The following CELSR2 variants were observed in gnomAD, a reference collection of about 807,000 sequenced individuals.
The protein encoded by CELSR2 is cadherin EGF LAG seven-pass G-type receptor 2.
A neutral mutation model predicts 251.6 loss-of-function variants in CELSR2; 81 were observed. The observed-to-expected ratio is 0.32, with a 90% CI of 0.27 to 0.39. The LOEUF (loss-of-function observed/expected upper bound fraction) is 0.39. Ranked by LOEUF, CELSR2 falls within the 10% of genes least tolerant of loss-of-function variation. The pLI, the probability that CELSR2 is intolerant of heterozygous loss-of-function variation, is 1.00. For synonymous variants in CELSR2, 1,721 were observed against 1,670.5 expected (o/e 1.03, Z -0.74); for missense variants, 3,365 against 3,947.7 (o/e 0.85, Z 3.96).
rs1386540072 is a variant in CELSR2 at position 109,275,703 on chromosome 1, T to C, written c.*1654T>C. 6.6e-6 allele frequency: 1 copy of C among 152,276 alleles called. No homozygotes were observed. The highest frequency in any genetic ancestry group is 1.9e-4 in the East Asian group (1 of 5,204). 9.4% of individuals were successfully genotyped at this position (152,276 alleles called of 1,614,324 possible). A position where few individuals can be genotyped will look rare whatever the true frequency, so the allele number is the denominator to read the frequency against. ...TAAATAGGGTAGCGTTTTGTTGTTG[T>C]TGTTTTTTCATGCCCCATACTACTG... is the stretch of plus-strand genomic sequence containing the variant. On this transcript the variant is annotated 3_prime_UTR_variant, in exon 34 of 34. Transcript: ENST00000271332.
Position 109,252,464 on chromosome 1 carries a change from G to A in CELSR2, c.2385G>A (p.Lys795=). Residue 795 remains lysine, a synonymous_variant, in exon 1 of 34, where the codon AAG becomes AAA. Coordinates refer to ENST00000271332, the MANE Select transcript of CELSR2 (RefSeq NM_001408.3). The surrounding 1 kb of genome is among the most constrained non-coding windows in gnomAD (Gnocchi z 4.8). The part of the protein sequence containing the change: ...ITARDNGIPQ[K]SDTTYLEILV... Reference sequence around the variant, plus strand: ...CTCGGGACAATGGCATTCCCCAGAAGTCCGACACCACCTACCTGGAGATCC... The same window carrying A: ...CTCGGGACAATGGCATTCCCCAGAAATCCGACACCACCTACCTGGAGATCC... 2 of 1,613,830 alleles carry A rather than the reference G, an allele frequency of 1.2e-6. No homozygotes were observed. The highest frequency in any genetic ancestry group is 1.7e-6 in the Non-Finnish European group (2 of 1,180,042).
rs1377641998 is a variant in CELSR2, at chr1:109,251,124, A to G, written c.1045A>G (p.Ile349Val). The G allele has an allele frequency of 1.2e-6, 2 of 1,613,158 alleles. No homozygotes were observed. Among genetic ancestry groups the G allele is most frequent in the South Asian group, 2.2e-5 (2 of 91,072 alleles). The change falls in exon 1 of 34, where the codon ATC (isoleucine) becomes GTC (valine). Residue 349 changes from isoleucine (I) to valine (V), a missense_variant. Ile to Val is a conservative substitution (Grantham distance 29). Coordinates refer to ENST00000271332, the MANE Select transcript of CELSR2 (RefSeq NM_001408.3). This position sits in a 1 kb window ranked among gnomAD's most constrained non-coding sequence, Gnocchi z 4.9. ...TGAGATCGACCCTCGCTCTGGGGTGATCCGAACCCGTGGCCCTGTGGATCG... is the reference window on the plus strand; with the variant it reads ...TGAGATCGACCCTCGCTCTGGGGTGGTCCGAACCCGTGGCCCTGTGGATCG... ...VFEIDPRSGV[I>V]RTRGPVDREE...
rs1165323373 is a variant in CELSR2, at chr1:109,275,479, GCTC to G, written c.*1433_*1435del. On this transcript the variant is annotated 3_prime_UTR_variant, in exon 34 of 34. Coordinates refer to ENST00000271332, the MANE Select transcript of CELSR2 (RefSeq NM_001408.3). ...AAGAGGCTGTGGGCAGGAAAGAAAG[GCTC>G]CTGTTTCTCATTTGTGAGGCCAGCC... 1 of 152,216 alleles carries G rather than the reference GCTC, an allele frequency of 6.6e-6. No homozygotes were observed. Among genetic ancestry groups the G allele is most frequent in the Admixed American group, 6.5e-5 (1 of 15,276 alleles). The allele number at this position is 152,216 out of a possible 1,614,324, so 9.4% of individuals were successfully genotyped here. A position where few individuals can be genotyped will look rare whatever the true frequency, so the allele number is the denominator to read the frequency against.
chr1:109,273,699 G>A, intron 33 of CELSR2, 29 bp downstream of exon 33: 1 of 1,331,298 alleles, frequency 7.5e-7, no homozygotes, highest in Non-Finnish European at 1.0e-6. Flanking sequence ...GCGGGACGGG[G>A]TGCAGCCCCT....
At chr1:109,262,711 C>T (rs781671299) in intron 6 of CELSR2, 95 bp from the exon 7 acceptor site, 24 of 1,554,972 alleles carry the variant, frequency 1.5e-5, no homozygotes, top group Non-Finnish European at 2.1e-5. Flanking sequence ...GGACACCTGC[C>T]TACGCCGTTC....
At chr1:109,267,013 G>A (rs1656216080) in intron 15 of CELSR2, among the ~76,000 whole-genome samples, 1 of 152,138 alleles carries the variant, frequency 6.6e-6, no homozygotes, top group Non-Finnish European at 1.5e-5. Flanking sequence ...GAGCCACCGT[G>A]CCCAGCCCAC....
Position 109,261,367 on chromosome 1 carries a change from C to T in CELSR2, c.4181+103C>T. ...GAGGTCAGGCAGTGAAAGCGTGGAG[C>T]AGGCTGCCGGCAGAGCCAGGTCTGC... is the stretch of plus-strand genomic sequence containing the variant. On this transcript the variant is annotated intron_variant, in intron 3 of 33. Transcript: ENST00000271332. This position sits in a 1 kb window ranked among gnomAD's most constrained non-coding sequence, Gnocchi z 4.8. 1.4e-6 allele frequency: 2 copies of T among 1,386,800 alleles called. No homozygotes were observed. The highest frequency in any genetic ancestry group is 2.5e-5 in the South Asian group (2 of 80,652). The allele number at this position is 1,386,800 out of a possible 1,614,324, so 85.9% of individuals were successfully genotyped here. A position where few individuals can be genotyped will look rare whatever the true frequency, so the allele number is the denominator to read the frequency against.
rs774023799 is a variant in CELSR2 at position 109,273,634 on chromosome 1, A to T, written c.8708A>T (p.Lys2903Met). The change falls in exon 33 of 34, where the codon AAG becomes ATG. Residue 2903 changes from lysine to methionine, a missense_variant. Transcript: ENST00000271332. ...GTCATGCCCATCGCCATGAGCATCAAGGCAGGCACGGTGGATGAGGACTCG... is the reference window on the plus strand; with the variant it reads ...GTCATGCCCATCGCCATGAGCATCATGGCAGGCACGGTGGATGAGGACTCG... ...NGVMPIAMSI[K>M]AGTVDEDSSG... The T allele has an allele frequency of 5.4e-6, 8 of 1,491,042 alleles. No homozygotes were observed. The South Asian group carries it at 1.0e-4, about 19-fold the overall frequency. The allele number at this position is 1,491,042 out of a possible 1,614,324, so 92.4% of individuals were successfully genotyped here.
At chr1:109,263,467 C>A in intron 8 of CELSR2, 144 bp from the exon 9 acceptor site, 1 of 1,384,442 alleles carries the variant, frequency 7.2e-7, no homozygotes, top group Non-Finnish European at 9.9e-7. Flanking sequence ...GTGGGGCGGT[C>A]CCAGGGCAGG....
In CELSR2 at chr1:109,258,851, G is replaced by C; in HGVS notation, c.3730G>C (p.Val1244Leu). 1 of 1,612,468 alleles carries C rather than the reference G, an allele frequency of 6.2e-7. No individual in the cohort carries two copies. The highest frequency in any genetic ancestry group is 8.5e-7 in the Non-Finnish European group (1 of 1,179,374). ...GCCCTGCGAGAACTACATGCGCTGC[G>C]TGTCGGTGCTGCGCTTCGACTCCTC... ...REPCENYMRC[V>L]SVLRFDSSAP... Residue 1244 changes from valine (V) to leucine (L), a missense_variant, in exon 2 of 34, where the codon GTG becomes CTG. This residue lies in a region of CELSR2 where 2,093 missense variants were observed against 2,382.8 expected (regional missense o/e 0.88). Transcript: ENST00000271332.
At chr1:109,273,715 G>C (rs1656444686) in intron 33 of CELSR2, 45 bp downstream of exon 33, 2 of 1,393,042 alleles carry the variant, frequency 1.4e-6, no homozygotes, top group African/African-American at 1.5e-5. Context: ...CCCCTCGGAG[G>C]CCTCACCTGG....
At position 109,269,793 on chromosome 1, in the gene CELSR2, T is replaced by C. The variant is rs141583329; in HGVS notation, c.7080T>C (p.Ala2360=). 2.8e-4 allele frequency: 448 copies of C among 1,613,348 alleles called. 5 individuals are homozygous for C. The African/African-American group carries it at 5.7e-3, about 20-fold the overall frequency. Reference sequence around the variant, plus strand: ...AGTGCAACCACATGACGAGCTTCGCTGTGCTCATGGACGTTTCTCGGCGGG... The same window carrying C: ...AGTGCAACCACATGACGAGCTTCGCCGTGCTCATGGACGTTTCTCGGCGGG... The part of the protein sequence containing the change: ...SCQCNHMTSF[A]VLMDVSRREN... Residue 2360 remains alanine (A), a synonymous_variant, in exon 22 of 34, where the codon GCT becomes GCC. Coordinates refer to ENST00000271332, the MANE Select transcript of CELSR2 (RefSeq NM_001408.3). The surrounding 1 kb of genome is among the most constrained non-coding windows in gnomAD (Gnocchi z 6.4).
In CELSR2 at chr1:109,261,532, G is replaced by A. The variant is rs776567917; in HGVS notation, c.4201G>A (p.Asp1401Asn). ...LALSFATKERDGLLLYNGRFN... is the reference protein window; with the variant it reads ...LALSFATKERNGLLLYNGRFN... ...GTTCAGGTTTGCCACAAAGGAGCGCGACGGGTTGCTGTTGTACAATGGGCG... is the reference window on the plus strand; with the variant it reads ...GTTCAGGTTTGCCACAAAGGAGCGCAACGGGTTGCTGTTGTACAATGGGCG... Residue 1401 changes from aspartate (D) to asparagine (N), a missense_variant, in exon 4 of 34, where the codon GAC becomes AAC. Physicochemically the swap from Asp to Asn is conservative, Grantham distance 23. Coordinates refer to ENST00000271332, the MANE Select transcript of CELSR2 (RefSeq NM_001408.3). This position sits in a 1 kb window ranked among gnomAD's most constrained non-coding sequence, Gnocchi z 4.8. The A allele has an allele frequency of 8.1e-6, 13 of 1,614,044 alleles. No homozygotes were observed. Among genetic ancestry groups the A allele is most frequent in the African/African-American group, 4.0e-5 (3 of 74,934 alleles).
chr1:109,270,285 G>C (rs1054696243), intron 23 of CELSR2, 141 bp from the exon 24 acceptor site: 3 of 1,266,270 alleles, frequency 2.4e-6, no homozygotes, highest in Non-Finnish European at 3.3e-6. Flanking sequence ...GCTCCCCCGG[G>C]ATCCCCCAGC....
chr1:109,263,495 G>T, intron 8 of CELSR2, 116 bp from the exon 9 acceptor site: 1 of 1,459,534 alleles, frequency 6.9e-7, no homozygotes, highest in East Asian at 2.3e-5. Flanking sequence ...TTTGGAGGGC[G>T]GGGCTGATGA....
chr1:109,266,011 G>A, intron 14 of CELSR2, 93 bp downstream of exon 14: 1 of 1,579,682 alleles, frequency 6.3e-7, no homozygotes, highest in Non-Finnish European at 8.6e-7. Context: ...TGCAGGCCTG[G>A]GGAGGCCTGG....
In CELSR2 at chr1:109,268,034, G is replaced by T; in HGVS notation, c.6292G>T (p.Ala2098Ser). The change falls in exon 17 of 34, where the codon GCC becomes TCC. Residue 2098 changes from alanine (A) to serine (S), a missense_variant. Around this residue, in one of 5 missense-constraint regions of CELSR2, gnomAD observed 2,093 missense variants for 2,382.8 expected, o/e 0.88. Transcript: ENST00000271332. ...CACCCAGCGGGGCTTTGGGCTGTCT[G>T]CCACACAGGACGTGCACTTCACTGA... ...ESTQRGFGLS[A>S]TQDVHFTENL... 1 of 1,605,280 alleles carries T rather than the reference G, an allele frequency of 6.2e-7. No homozygotes were observed.
In CELSR2 at chr1:109,274,195, T is replaced by A; in HGVS notation, c.*146T>A. 1 of 1,570,396 alleles carries A rather than the reference T, an allele frequency of 6.4e-7. No individual in the cohort carries two copies. The highest frequency in any genetic ancestry group is 2.3e-5 in the East Asian group (1 of 44,286). ...AACGTCCATCTGAGGAGCCTGGGCC[T>A]TGCCGGGAGGGGTACTCACCCCACC... On this transcript the variant is annotated 3_prime_UTR_variant, in exon 34 of 34. Coordinates refer to ENST00000271332, the MANE Select transcript of CELSR2 (RefSeq NM_001408.3).
chr1:109,268,711 A>G lies in CELSR2; in HGVS notation c.6449A>G (p.Gln2150Arg). ...GAGGCCTACGCCAGTGCCCTGGCCCAGAACATGCGGCACACCTACCTAAGC... is the reference window on the plus strand; with the variant it reads ...GAGGCCTACGCCAGTGCCCTGGCCCGGAACATGCGGCACACCTACCTAAGC... ...HYEAYASALA[Q>R]NMRHTYLSPF... The change falls in exon 18 of 34, where the codon CAG (glutamine) becomes CGG (arginine). Residue 2150 changes from glutamine to arginine, a missense_variant. By Grantham distance (43) the Gln-to-Arg change is conservative. This residue lies in a region of CELSR2 where 2,093 missense variants were observed against 2,382.8 expected (regional missense o/e 0.88). Coordinates refer to ENST00000271332, the MANE Select transcript of CELSR2 (RefSeq NM_001408.3). 1 of 1,613,120 alleles carries G rather than the reference A, an allele frequency of 6.2e-7. No individual in the cohort carries two copies. The highest frequency in any genetic ancestry group is 1.1e-5 in the South Asian group (1 of 91,002).
Sources: gnomAD v4.1 joint callset for allele counts (sites outside exome capture counted in the v4.1 genomes callset) on GRCh38, gnomAD v4.1.1 for gene constraint, gnomAD v4.1.1 regional missense constraint, Gnocchi (gnomAD v3.1) non-coding constraint, MANE v1.5 for transcripts, NCBI Gene and HGNC (gene_info 2026-07-23, HGNC 2026-07-21) for gene names.